The following GSTCD variants were observed in gnomAD, a reference collection of about 807,000 sequenced individuals.
GSTCD encodes the protein glutathione S-transferase C-terminal domain-containing protein.
A neutral mutation model predicts 68.3 loss-of-function variants in GSTCD; 44 were observed. That is an observed-to-expected ratio of 0.64 (90% CI 0.51 to 0.83). GSTCD has a LOEUF of 0.83. Ranked by LOEUF, GSTCD falls within the 40% of genes least tolerant of loss-of-function variation. The pLI is 0.00. For missense variants in GSTCD, 739 were observed against 735.9 expected, an observed-to-expected ratio of 1.00 and a Z score of -0.05; for synonymous variants, 273 against 255.2, an observed-to-expected ratio of 1.07 and a Z score of -0.67.
chr4:105,783,015 A>G (rs1735339858), intron 5 of GSTCD, among the ~76,000 whole-genome samples: 1 of 152,178 alleles, frequency 6.6e-6, no homozygotes, highest in Non-Finnish European at 1.5e-5. Flanking sequence ...CTGGAACACA[A>G]GTTCATTTTA....
rs1732718819 is a variant in GSTCD, at chr4:105,717,576, T to C, written c.-21-17T>C. The C allele has an allele frequency of 7.2e-7, 1 of 1,397,636 alleles. No individual in the cohort carries two copies. The highest frequency in any genetic ancestry group is 1.4e-5 in the African/African-American group (1 of 69,256). The allele number at this position is 1,397,636 out of a possible 1,614,324, so 86.6% of individuals were successfully genotyped here. The stretch of plus-strand genomic sequence containing the variant: ...GATTATATTCTAAGACCATAATCAC[T>C]TCAATTTATACTTTAGGTGACCCAA... On this transcript the variant is annotated splice_polypyrimidine_tract_variant and intron_variant, in intron 1 of 11. Transcript: ENST00000515279.
At chr4:105,798,619 T>C (rs563196708) in intron 5 of GSTCD, among the ~76,000 whole-genome samples, 3 of 149,692 alleles carry the variant, frequency 2.0e-5, no homozygotes, top group Admixed American at 2.0e-4. Context: ...TCAGAGCTCT[T>C]GAGTGACCAA....
intron 5 of GSTCD, among the ~76,000 whole-genome samples, chr4:105,779,087 CCTT>C (rs1241462557): frequency 6.6e-6 from 1 of 152,134 alleles, no homozygotes; most frequent in African/African-American, 2.4e-5. Context: ...ATTCCACAGA[CCTT>C]ATTTAGATTT....
chr4:105,777,746 G>C (rs1307711550), intron 5 of GSTCD, among the ~76,000 whole-genome samples: 1 of 152,164 alleles, frequency 6.6e-6, no homozygotes, highest in Non-Finnish European at 1.5e-5. Context: ...GGGGATGTTA[G>C]TAATGACTTC....
intron 7 of GSTCD, among the ~76,000 whole-genome samples, chr4:105,824,791 T>C (rs11727500): frequency 0.054 from 8,198 of 152,200 alleles, 253 homozygotes; most frequent in Middle Eastern, 0.14. Flanking sequence ...CCCCCATCAC[T>C]ACTATCACCA....
At chr4:105,776,271 G>T (rs1298848204) in intron 5 of GSTCD, among the ~76,000 whole-genome samples, 1 of 152,174 alleles carries the variant, frequency 6.6e-6, no homozygotes, top group East Asian at 1.9e-4. Flanking sequence ...TAGCTTGCTG[G>T]GCTCTGTGGG....
chr4:105,740,883 A>G (rs1381659320), intron 5 of GSTCD, among the ~76,000 whole-genome samples: 2 of 152,000 alleles, frequency 1.3e-5, no homozygotes, highest in Non-Finnish European at 2.9e-5. Context: ...CTATTACACA[A>G]ATTTTCAGCA....
chr4:105,714,745 A>G (rs72671837), intron 1 of GSTCD, among the ~76,000 whole-genome samples: 8,136 of 151,876 alleles, frequency 0.054, 251 homozygotes, highest in Middle Eastern at 0.14. Context: ...ACTTTGTTGC[A>G]TTTTCTCTCA....
At position 105,749,065 on chromosome 4, in the gene GSTCD, A is replaced by G. The variant is rs191187100; in HGVS notation, c.1240+19566A>G. Among the ~76,000 whole-genome samples, 315 of 152,136 alleles carry G rather than the reference A, an allele frequency of 2.1e-3. 1 individual carries two copies. Among genetic ancestry groups the G allele is most frequent in the South Asian group, 6.6e-3 (32 of 4,828 alleles). ...TAAAAATAAAAAAGTAATGTACCAT[A>G]TAATCTTTATTGGTGAGGAATGTAA... On this transcript the variant is annotated intron_variant, in intron 5 of 11. Transcript: ENST00000515279.
intron 5 of GSTCD, among the ~76,000 whole-genome samples, chr4:105,778,132 A>G (rs1033356415): frequency 7.2e-5 from 11 of 152,142 alleles, no homozygotes; most frequent in Admixed American, 5.2e-4. Flanking sequence ...TTGGAAGCCA[A>G]TGACATGCAA....
At chr4:105,803,938 A>G (rs909165625) in intron 5 of GSTCD, among the ~76,000 whole-genome samples, 4 of 151,942 alleles carry the variant, frequency 2.6e-5, no homozygotes, top group Non-Finnish European at 5.9e-5. Flanking sequence ...GGTGAGGGAG[A>G]TACAGTTGGT....
chr4:105,710,391 T>TG (rs1205962491), intron 1 of GSTCD, among the ~76,000 whole-genome samples: 1 of 147,496 alleles, frequency 6.8e-6, no homozygotes, highest in East Asian at 2.0e-4. Context: ...CGGCTCCTTT[T>TG]TTTTTTTTTT....
At chr4:105,747,470 G>T (rs1269952169) in intron 5 of GSTCD, among the ~76,000 whole-genome samples, 2 of 152,188 alleles carry the variant, frequency 1.3e-5, no homozygotes, top group African/African-American at 4.8e-5. Context: ...ACCACACCAT[G>T]TGAAGTATTA....
chr4:105,827,110 T>TA (rs1472982949), intron 8 of GSTCD: 1 of 152,116 alleles, frequency 6.6e-6, no homozygotes, highest in East Asian at 1.9e-4. Flanking sequence ...AATTAAAAAA[T>TA]ACCTGTGCAG....
chr4:105,711,210 T>C (rs1560788579), intron 1 of GSTCD, among the ~76,000 whole-genome samples: 1 of 152,104 alleles, frequency 6.6e-6, no homozygotes, highest in Non-Finnish European at 1.5e-5. Flanking sequence ...GTTGAACATA[T>C]GATGTAGGAG....
intron 5 of GSTCD, among the ~76,000 whole-genome samples, chr4:105,760,457 G>C (rs959999560): frequency 6.6e-6 from 1 of 152,000 alleles, no homozygotes; most frequent in South Asian, 2.1e-4. Context: ...GATCTTACCA[G>C]CTAGATTTTA....
intron 5 of GSTCD, among the ~76,000 whole-genome samples, chr4:105,780,152 T>A (rs553917673): frequency 6.6e-6 from 1 of 152,346 alleles, no homozygotes; most frequent in East Asian, 1.9e-4. Context: ...TTTCTCATGA[T>A]GGACAGACCC....
At chr4:105,787,080 A>G (rs1735494881) in intron 5 of GSTCD, among the ~76,000 whole-genome samples, 1 of 152,084 alleles carries the variant, frequency 6.6e-6, no homozygotes, top group Non-Finnish European at 1.5e-5. Flanking sequence ...ATCAACAGTA[A>G]TATATTTATG....
At chr4:105,834,348 T>C in intron 8 of GSTCD, 113 bp from the exon 9 acceptor site, 1 of 782,600 alleles carries the variant, frequency 1.3e-6, no homozygotes, top group South Asian at 2.7e-5. Context: ...TTAATTGATA[T>C]GTGTAGCTAA....
Sources: gnomAD v4.1 joint callset for allele counts (sites outside exome capture counted in the v4.1 genomes callset) on GRCh38, gnomAD v4.1.1 for gene constraint, MANE v1.5 for transcripts, NCBI Gene and HGNC (gene_info 2026-07-23, HGNC 2026-07-21) for gene names.